SPATS2L: variants seen among roughly 807,000 people sequenced by gnomAD.
SPATS2L encodes the protein spermatogenesis associated serine rich 2 like, also known as SPATS2-like protein.
A neutral mutation model predicts 59.6 loss-of-function variants in SPATS2L; 30 were observed. The observed-to-expected ratio is 0.50, with a 90% confidence interval of 0.38 to 0.68. SPATS2L has a LOEUF of 0.68. Ranked by LOEUF, SPATS2L falls within the 30% of genes least tolerant of loss-of-function variation. The pLI is 0.00. For synonymous variants in SPATS2L, 252 were observed against 263.5 expected (o/e 0.96, Z 0.42); for missense variants, 615 against 700.0 (o/e 0.88, Z 1.37).
At chr2:200,385,789 T>C (rs987642809) in intron 2 of SPATS2L, among the ~76,000 whole-genome samples, 2 of 152,056 alleles carry the variant, frequency 1.3e-5, no homozygotes, top group African/African-American at 2.4e-5. Flanking sequence ...GCCTCCTGGG[T>C]TCACGCCATT....
upstream of SPATS2L, chr2:200,306,449 A>T: frequency 4.0e-6 from 4 of 1,002,210 alleles, no homozygotes; most frequent in South Asian, 1.9e-4. Context: ...TTCTTCTAGA[A>T]AGTGGGGTGG....
chr2:200,356,262 T>TA (rs2080909887), intron 2 of SPATS2L, among the ~76,000 whole-genome samples: 1 of 152,180 alleles, frequency 6.6e-6, no homozygotes, highest in African/African-American at 2.4e-5. Flanking sequence ...CTGAAAATGA[T>TA]AAACATGCAT....
chr2:200,441,902 G>A (rs1427695757), intron 8 of SPATS2L, among the ~76,000 whole-genome samples: 1 of 152,104 alleles, frequency 6.6e-6, no homozygotes, highest in African/African-American at 2.4e-5. Flanking sequence ...GTGCTTTTTA[G>A]CAGAAACTGT....
intron 6 of SPATS2L, among the ~76,000 whole-genome samples, chr2:200,437,946 G>A (rs555893191): frequency 6.6e-6 from 1 of 152,220 alleles, no homozygotes; most frequent in South Asian, 2.1e-4. Flanking sequence ...TAATTCTACA[G>A]AAAGCCATCG....
chr2:200,405,808 C>T (rs2082669815), intron 3 of SPATS2L, among the ~76,000 whole-genome samples: 1 of 152,126 alleles, frequency 6.6e-6, no homozygotes, highest in African/African-American at 2.4e-5. Flanking sequence ...TGATTGCTGT[C>T]CTTATCATAG....
At chr2:200,423,714 G>A (rs1202076138) in intron 6 of SPATS2L, among the ~76,000 whole-genome samples, 1 of 152,200 alleles carries the variant, frequency 6.6e-6, no homozygotes, top group Non-Finnish European at 1.5e-5. Flanking sequence ...AAATCGCCAG[G>A]CTACTATAGT....
intron 2 of SPATS2L, among the ~76,000 whole-genome samples, chr2:200,341,742 T>C (rs1464172269): frequency 6.7e-5 from 10 of 150,118 alleles, no homozygotes; most frequent in East Asian, 2.0e-4. Flanking sequence ...CAGGCTGGAG[T>C]GCAGTGGTGG....
intron 9 of SPATS2L, among the ~76,000 whole-genome samples, chr2:200,466,991 T>A (rs1222855104): frequency 1.3e-5 from 2 of 152,162 alleles, no homozygotes; most frequent in African/African-American, 2.4e-5. Context: ...AGTAACAAAT[T>A]TCAAAAGTCT....
At chr2:200,367,197 C>G (rs944340443) in intron 2 of SPATS2L, among the ~76,000 whole-genome samples, 3 of 152,142 alleles carry the variant, frequency 2.0e-5, no homozygotes, top group African/African-American at 7.2e-5. Flanking sequence ...TATCTTTGGG[C>G]AAAAACTGTG....
intron 6 of SPATS2L, among the ~76,000 whole-genome samples, chr2:200,435,039 A>G (rs1453473723): frequency 6.6e-6 from 1 of 152,138 alleles, no homozygotes; most frequent in African/African-American, 2.4e-5. Context: ...GTACCAAGAC[A>G]ATTCAATGGG....
At chr2:200,457,061 A>T (rs2085887478) in intron 8 of SPATS2L, among the ~76,000 whole-genome samples, 1 of 152,114 alleles carries the variant, frequency 6.6e-6, no homozygotes, top group South Asian at 2.1e-4. Context: ...CATGTCCTCA[A>T]GCAGAGTAGC....
At chr2:200,411,583 A>G (rs1401148918) in intron 3 of SPATS2L, among the ~76,000 whole-genome samples, 2 of 152,250 alleles carry the variant, frequency 1.3e-5, no homozygotes, top group Non-Finnish European at 2.9e-5. Context: ...AAGTACTGTG[A>G]GATAAAGGTC....
chr2:200,310,041 A>G (rs2079144247), intron 1 of SPATS2L, among the ~76,000 whole-genome samples: 1 of 152,196 alleles, frequency 6.6e-6, no homozygotes, highest in Non-Finnish European at 1.5e-5. Context: ...TTTCTGATAA[A>G]AAAATTTTAA....
Position 200,479,242 on chromosome 2 carries a change from T to G in SPATS2L, c.*1211T>G, listed in dbSNP as rs1268816002. On this transcript the variant is annotated 3_prime_UTR_variant, in exon 13 of 13. Transcript: ENST00000409140. ...AATTATCTTAGCTCTCCTTTCCTCC[T>G]TGGGTTGACATTGCATTCAGAATTG... The G allele has an allele frequency of 3.9e-6, 1 of 255,104 alleles. No individual in the cohort carries two copies. Among genetic ancestry groups the G allele is most frequent in the Non-Finnish European group, 7.4e-6 (1 of 135,284 alleles). 15.8% of individuals were successfully genotyped at this position (255,104 alleles called of 1,614,324 possible).
chr2:200,457,019 C>G (rs1454678160), intron 8 of SPATS2L, among the ~76,000 whole-genome samples: 1 of 152,114 alleles, frequency 6.6e-6, no homozygotes, highest in Non-Finnish European at 1.5e-5. Flanking sequence ...TGTCTTCTCT[C>G]TTCCCTTTCT....
In SPATS2L at chr2:200,313,396, T is replaced by C. The variant is rs149120161; in HGVS notation, c.-73+6474T>C. Among the ~76,000 whole-genome samples the C allele has an allele frequency of 1.6e-4, 24 of 152,326 alleles. 1 individual carries two copies. Among genetic ancestry groups the C allele is most frequent in the South Asian group, 1.2e-3 (6 of 4,824 alleles). Reference sequence around the variant, plus strand: ...AGAAAGCCTTCACGGATAACTATTATTACATTTATATTTCTAATTAAGGAA... The same window carrying C: ...AGAAAGCCTTCACGGATAACTATTACTACATTTATATTTCTAATTAAGGAA... On this transcript the variant is annotated intron_variant, in intron 1 of 12. Transcript: ENST00000409140.
intron 2 of SPATS2L, among the ~76,000 whole-genome samples, chr2:200,354,447 A>C (rs952852144): frequency 2.0e-5 from 3 of 152,106 alleles, no homozygotes; most frequent in African/African-American, 7.2e-5. Flanking sequence ...GTCTCTACTA[A>C]AAATACAAAA....
intron 2 of SPATS2L, among the ~76,000 whole-genome samples, chr2:200,379,814 C>T (rs2081739224): frequency 6.6e-6 from 1 of 152,128 alleles, no homozygotes; most frequent in Non-Finnish European, 1.5e-5. Flanking sequence ...GCCACTTCAC[C>T]TTTCCTGAGA....
rs2087759359 is a variant in SPATS2L, at chr2:200,480,904, ATTCTC to A, written c.*2876_*2880del. 2 of 152,214 alleles carry A rather than the reference ATTCTC, an allele frequency of 1.3e-5. No homozygotes were observed. The highest frequency in any genetic ancestry group is 4.1e-4 in the South Asian group (2 of 4,828). 9.4% of individuals were successfully genotyped at this position (152,214 alleles called of 1,614,324 possible). The stretch of plus-strand genomic sequence containing the variant: ...CTACTTAATGCACAGTAGTCAGATT[ATTCTC>A]TTAAACATTTGCCTAGTAGAGGTTA... On this transcript the variant is annotated 3_prime_UTR_variant, in exon 13 of 13. Coordinates refer to ENST00000409140, the MANE Select transcript of SPATS2L (RefSeq NM_001100423.2).
Sources: gnomAD v4.1 joint callset for allele counts (sites outside exome capture counted in the v4.1 genomes callset) on GRCh38, gnomAD v4.1.1 for gene constraint, MANE v1.5 for transcripts, NCBI Gene and HGNC (gene_info 2026-07-23, HGNC 2026-07-21) for gene names.